Variants in ERGIC2 observed in about 807,000 individuals in gnomAD.
ERGIC2 encodes the protein endoplasmic reticulum-Golgi intermediate compartment protein 2.
In ERGIC2, 31 loss-of-function variants were observed where a neutral mutation model predicts 52.5. That is an observed-to-expected ratio of 0.59 (90% CI 0.44 to 0.80). ERGIC2 has a LOEUF of 0.80. Ranked by LOEUF, ERGIC2 falls within the 30% of genes least tolerant of loss-of-function variation. ERGIC2 has a pLI of 0.00. For synonymous variants in ERGIC2, 129 were observed against 140.6 expected (o/e 0.92, Z 0.58); for missense variants, 395 against 455.2 (o/e 0.87, Z 1.20).
At chr12:29,372,037 T>C (rs1940447934) in intron 1 of ERGIC2, among the ~76,000 whole-genome samples, 2 of 152,272 alleles carry the variant, frequency 1.3e-5, no homozygotes, top group African/African-American at 2.4e-5. Flanking sequence ...GGCCTGCTCA[T>C]ACATTACTAA....
Position 29,378,222 on chromosome 12 carries a change from AG to A in ERGIC2, c.-38+2892del, listed in dbSNP as rs1940540188. On this transcript the variant is annotated intron_variant, in intron 1 of 13. Coordinates refer to ENST00000360150, the MANE Select transcript of ERGIC2 (RefSeq NM_016570.3). The stretch of plus-strand genomic sequence containing the variant: ...GAAAATGCCATGTGAAAACAAAGGC[AG>A]AGACTACAGTGATGTGTCTACAAAC... Among the ~76,000 whole-genome samples, 3 of 152,350 alleles carry A rather than the reference AG, an allele frequency of 2.0e-5. No homozygotes were observed. In the South Asian group the frequency reaches 6.2e-4, roughly 32 times the overall value.
intron 10 of ERGIC2, among the ~76,000 whole-genome samples, chr12:29,348,436 C>G (rs1940087695): frequency 6.6e-6 from 1 of 151,826 alleles, no homozygotes; most frequent in South Asian, 2.1e-4. Context: ...TAGAAAGAGG[C>G]AATCAAAAAC....
chr12:29,345,912 A>G (rs2136851443), intron 10 of ERGIC2, among the ~76,000 whole-genome samples: 1 of 152,256 alleles, frequency 6.6e-6, no homozygotes, highest in South Asian at 2.1e-4. Flanking sequence ...GTGCTACTGC[A>G]CTCCAGCCTG....
In ERGIC2 at chr12:29,370,181, T is replaced by C. The variant is rs781217252; in HGVS notation, c.148A>G (p.Met50Val). 6.4e-7 allele frequency: 1 copy of C among 1,553,220 alleles called. No homozygotes were observed. The highest frequency in any genetic ancestry group is 2.2e-5 in the Admixed American group (1 of 46,020). Reference protein sequence around the residue: ...AFTTMALLTIMEFSVYQDTWM... With the variant: ...AFTTMALLTIVEFSVYQDTWM... ...GTATCTTGATATACTGAGAATTCCATTATGGTTAATAAAGCCATAGTTGTA... is the reference window on the plus strand; with the variant it reads ...GTATCTTGATATACTGAGAATTCCACTATGGTTAATAAAGCCATAGTTGTA... The change falls in exon 3 of 14, where the codon ATG becomes GTG. Residue 50 changes from methionine (M) to valine (V), a missense_variant. Physicochemically the swap from Met to Val is conservative, Grantham distance 21 (BLOSUM62 1). Coordinates refer to ENST00000360150, the MANE Select transcript of ERGIC2 (RefSeq NM_016570.3).
At chr12:29,342,577 CAAAT>C (rs1215945650) in intron 12 of ERGIC2, among the ~76,000 whole-genome samples, 1 of 152,114 alleles carries the variant, frequency 6.6e-6, no homozygotes, top group Admixed American at 6.5e-5. Context: ...TACAATTCGA[CAAAT>C]AATCTTAGCG....
chr12:29,361,836 ATTAAAATT>A (rs1268625693), intron 5 of ERGIC2, 151 bp from the exon 6 acceptor site: 6 of 509,522 alleles, frequency 1.2e-5, no homozygotes, highest in African/African-American at 9.8e-5. Flanking sequence ...TATAAGTCAA[ATTAAAATT>A]TTAATGTGCT....
chr12:29,353,725 C>CCTG (rs1940164166), intron 8 of ERGIC2, among the ~76,000 whole-genome samples: 1 of 144,656 alleles, frequency 6.9e-6, no homozygotes, highest in Admixed American at 6.9e-5. Context: ...AATAATATTT[C>CCTG]CTTCTTTTTT....
intron 5 of ERGIC2, among the ~76,000 whole-genome samples, chr12:29,366,020 C>T (rs1940357407): frequency 6.6e-6 from 1 of 151,972 alleles, no homozygotes; most frequent in African/African-American, 2.4e-5. Context: ...CCAAGGACTT[C>T]ATTTTCTTTC....
intron 11 of ERGIC2, among the ~76,000 whole-genome samples, chr12:29,344,889 C>T (rs1412210748): frequency 5.3e-5 from 8 of 152,078 alleles, no homozygotes; most frequent in Admixed American, 3.9e-4. Context: ...AATTCCAAAA[C>T]TTTGCTCATC....
At chr12:29,357,486 G>A (rs1012835365) in intron 7 of ERGIC2, 137 bp downstream of exon 7, 17 of 531,278 alleles carry the variant, frequency 3.2e-5, no homozygotes, top group Admixed American at 1.1e-4. Flanking sequence ...AGCAAAAGGC[G>A]TCTTTATAGT....
chr12:29,361,760 C>T lies in ERGIC2; in HGVS notation c.334-75G>A, dbSNP rs1343299570. 3 of 1,261,712 alleles carry T rather than the reference C, an allele frequency of 2.4e-6. No individual in the cohort carries two copies. In the African/African-American group the frequency reaches 4.5e-5, roughly 19 times the overall value. The allele number at this position is 1,261,712 out of a possible 1,614,324, so 78.2% of individuals were successfully genotyped here. A position where few individuals can be genotyped will look rare whatever the true frequency, so the allele number is the denominator to read the frequency against. On this transcript the variant is annotated intron_variant, in intron 5 of 13. Transcript: ENST00000360150. ...TTTACATCATAATTTAAAATTTTTT[C>T]TTTGAGCAGGAAACATAAACTTAAG...
At chr12:29,344,808 G>C (rs777486200) in intron 11 of ERGIC2, among the ~76,000 whole-genome samples, 1 of 152,086 alleles carries the variant, frequency 6.6e-6, no homozygotes, top group Non-Finnish European at 1.5e-5. Flanking sequence ...ACAAGTGTTT[G>C]AATTCACCAT....
chr12:29,363,942 A>C (rs186892488), intron 5 of ERGIC2, among the ~76,000 whole-genome samples: 2 of 152,236 alleles, frequency 1.3e-5, no homozygotes, highest in African/African-American at 4.8e-5. Flanking sequence ...ATAATACATA[A>C]ACAATAATTC....
At chr12:29,342,441 T>G (rs1433500237) in intron 12 of ERGIC2, among the ~76,000 whole-genome samples, 1 of 152,234 alleles carries the variant, frequency 6.6e-6, no homozygotes, top group African/African-American at 2.4e-5. Context: ...AGCTATTCAT[T>G]CATTTAAAAA....
intron 2 of ERGIC2, among the ~76,000 whole-genome samples, chr12:29,370,615 A>C (rs755710532): frequency 3.9e-5 from 6 of 151,998 alleles, no homozygotes; most frequent in African/African-American, 2.4e-5. Flanking sequence ...CTTCATTATT[A>C]AAAATGCATC....
In ERGIC2 at chr12:29,341,768, C is replaced by T. The variant is rs372439091; in HGVS notation, c.1037G>A (p.Arg346His). The T allele has an allele frequency of 3.5e-5, 56 of 1,601,510 alleles. 1 individual carries two copies. Among genetic ancestry groups the T allele is most frequent in the South Asian group, 2.3e-4 (21 of 90,786 alleles). ...GKFIVEIICC[R>H]FRLGSYKPVN... ...AGGTTTATAGGATCCAAGTCTGAAA[C>T]GACAGCAAATTATTTCAACTATAAA... The change falls in exon 13 of 14, where the codon CGT (arginine) becomes CAT (histidine). Residue 346 changes from arginine (R) to histidine (H), a missense_variant. Coordinates refer to ENST00000360150, the MANE Select transcript of ERGIC2 (RefSeq NM_016570.3).
intron 11 of ERGIC2, among the ~76,000 whole-genome samples, chr12:29,345,075 CAG>C (rs1377860812): frequency 2.0e-5 from 3 of 152,052 alleles, no homozygotes; most frequent in Non-Finnish European, 4.4e-5. Flanking sequence ...AAATAAGTAA[CAG>C]AATTCAAAGA....
intron 10 of ERGIC2, 161 bp from the exon 11 acceptor site, chr12:29,345,701 T>C (rs1387373713): frequency 1.6e-6 from 1 of 606,558 alleles, no homozygotes; most frequent in African/African-American, 1.9e-5. Flanking sequence ...ACTGCTTGAG[T>C]GTGGGAGTTC....
intron 5 of ERGIC2, among the ~76,000 whole-genome samples, chr12:29,365,938 A>G (rs75709613): frequency 0.015 from 2,339 of 152,084 alleles, 55 homozygotes; most frequent in African/African-American, 0.053. Context: ...TTTCTATTTA[A>G]AATGTATATG....
Sources: allele counts gnomAD v4.1 joint callset (sites outside exome capture counted in the v4.1 genomes callset), GRCh38; gene constraint gnomAD v4.1.1; transcripts MANE v1.5; gene names NCBI Gene and HGNC (gene_info 2026-07-23, HGNC 2026-07-21).